Variants in RNF19B observed in about 807,000 individuals in gnomAD.
RNF19B encodes E3 ubiquitin-protein ligase RNF19B.
Under a neutral mutation model 65.5 loss-of-function variants are expected in RNF19B, and 23 were observed. That is an observed-to-expected ratio of 0.35 (90% CI 0.25 to 0.50). RNF19B has a LOEUF of 0.50. Ranked by LOEUF, RNF19B falls within the 20% of genes least tolerant of loss-of-function variation. The probability of loss-of-function intolerance (pLI) is 0.98; values close to 1 mark genes in which losing one functional copy is unlikely to be tolerated. For synonymous variants in RNF19B, 372 were observed against 379.6 expected (o/e 0.98, Z 0.23); for missense variants, 794 against 980.0 (o/e 0.81, Z 2.53).
At position 32,949,031 on chromosome 1, in the gene RNF19B, A is replaced by G. The variant is rs147899090; in HGVS notation, c.841+538T>C. On this transcript the variant is annotated intron_variant, in intron 2 of 8. Coordinates refer to ENST00000235150, the MANE Select transcript of RNF19B (RefSeq NM_001300826.2). ...CAAATGACATCAGCAAAATAAAAGTACAAAGCAATAAATCCACTGACATTT... is the reference window on the plus strand; with the variant it reads ...CAAATGACATCAGCAAAATAAAAGTGCAAAGCAATAAATCCACTGACATTT... Among the ~76,000 whole-genome samples the G allele has an allele frequency of 1.3e-3, 205 of 152,364 alleles. 2 individuals are homozygous for G. Among genetic ancestry groups the G allele is most frequent in the African/African-American group, 4.4e-3 (185 of 41,582 alleles).
At chr1:32,939,976 G>A (rs958763747) in intron 7 of RNF19B, among the ~76,000 whole-genome samples, 7 of 152,208 alleles carry the variant, frequency 4.6e-5, no homozygotes, top group African/African-American at 1.7e-4. Flanking sequence ...AGAGTCATGA[G>A]ATGCACAGAC....
chr1:32,943,960 T>G, intron 6 of RNF19B, 59 bp downstream of exon 6: 1 of 1,532,120 alleles, frequency 6.5e-7, no homozygotes, highest in Non-Finnish European at 8.9e-7. Flanking sequence ...CGCTGAATTT[T>G]ACTGATTTTT....
At chr1:32,940,881 G>T (rs1344366539) in intron 7 of RNF19B, among the ~76,000 whole-genome samples, 1 of 152,172 alleles carries the variant, frequency 6.6e-6, no homozygotes, top group Non-Finnish European at 1.5e-5. Context: ...ACATAGAATT[G>T]ATTTTCCTTA....
At chr1:32,941,872 C>T (rs922383215) in intron 7 of RNF19B, among the ~76,000 whole-genome samples, 9 of 151,406 alleles carry the variant, frequency 5.9e-5, no homozygotes, top group Admixed American at 2.0e-4. Flanking sequence ...CCAAGGCGGG[C>T]GGATCACGAG....
downstream of RNF19B, among the ~76,000 whole-genome samples, chr1:32,933,890 G>GT (rs1200410828): frequency 1.3e-5 from 2 of 152,276 alleles, no homozygotes; most frequent in South Asian, 2.1e-4. Context: ...CACAGCTGTA[G>GT]TAAGTGGAAC....
At chr1:32,948,179 G>A (rs575305374) in intron 3 of RNF19B, 43 bp downstream of exon 3, 1 of 1,597,552 alleles carries the variant, frequency 6.3e-7, no homozygotes. Flanking sequence ...AAATCAGTAA[G>A]AGAATGAGAC....
downstream of RNF19B, among the ~76,000 whole-genome samples, chr1:32,933,257 A>T (rs181016546): frequency 9.6e-3 from 1,333 of 138,152 alleles, 62 homozygotes; most frequent in Admixed American, 0.078. Context: ...TATTATTATT[A>T]TTTTTTTTTT....
downstream of RNF19B, among the ~76,000 whole-genome samples, chr1:32,934,452 G>T (rs756251436): frequency 6.6e-6 from 1 of 152,112 alleles, no homozygotes; most frequent in Non-Finnish European, 1.5e-5. Context: ...AGGCTGAGGT[G>T]GGGGGAATCA....
chr1:32,935,207 A>C (rs1038581800), downstream of RNF19B, among the ~76,000 whole-genome samples: 2 of 147,776 alleles, frequency 1.4e-5, no homozygotes, highest in African/African-American at 5.0e-5. Flanking sequence ...GGGTGATGTC[A>C]GCTCACTGCA....
In RNF19B at chr1:32,936,816, G is replaced by C. The variant is rs746417554; in HGVS notation, c.2186C>G (p.Ala729Gly). ...QTVLKPEGGE[A>G]RV ...AGCATTCATTCCACTTCATACTCTG[G>C]CTTCTCCACCTTCTGGCTTCAAGAC... Residue 729 changes from alanine to glycine, a missense_variant, in exon 9 of 9, where the codon GCC becomes GGC. Coordinates refer to ENST00000235150, the MANE Select transcript of RNF19B (RefSeq NM_001300826.2). The C allele has an allele frequency of 2.6e-6, 4 of 1,563,956 alleles. No homozygotes were observed. In the South Asian group the frequency reaches 3.6e-5, roughly 14 times the overall value.
At chr1:32,954,529 A>C (rs12141539) in intron 1 of RNF19B, among the ~76,000 whole-genome samples, 1 of 151,768 alleles carries the variant, frequency 6.6e-6, no homozygotes, top group Non-Finnish European at 1.5e-5. Context: ...ACCTGAGGTC[A>C]GGAGTTCAAG....
chr1:32,937,756 TC>T (rs1435847584), intron 8 of RNF19B, among the ~76,000 whole-genome samples: 5 of 151,954 alleles, frequency 3.3e-5, no homozygotes, highest in Admixed American at 6.6e-5. Context: ...AGTAATTAGA[TC>T]CTTTTTGCTG....
intron 1 of RNF19B, among the ~76,000 whole-genome samples, chr1:32,953,527 A>G (rs1293575861): frequency 1.3e-5 from 2 of 152,090 alleles, no homozygotes; most frequent in African/African-American, 4.8e-5. Context: ...GATGCTGAAA[A>G]TATAAATGAC....
At chr1:32,943,140 CA>C (rs56338843) in intron 6 of RNF19B, among the ~76,000 whole-genome samples, 48,361 of 129,808 alleles carry the variant, frequency 0.37, 7,796 homozygotes, top group Admixed American at 0.41. Flanking sequence ...GACTCCGTCT[CA>C]AAAAAAAAAA....
downstream of RNF19B, among the ~76,000 whole-genome samples, chr1:32,933,886 T>G (rs573829020): frequency 3.3e-5 from 5 of 152,294 alleles, no homozygotes; most frequent in South Asian, 1.0e-3. Context: ...ATCTCACAGC[T>G]GTAGTAAGTG....
At chr1:32,939,776 C>T (rs1486790290) in intron 7 of RNF19B, among the ~76,000 whole-genome samples, 1 of 152,212 alleles carries the variant, frequency 6.6e-6, no homozygotes, top group African/African-American at 2.4e-5. Flanking sequence ...TCAAACCCAT[C>T]TGACTCATTC....
intron 7 of RNF19B, among the ~76,000 whole-genome samples, chr1:32,941,273 G>A (rs751281176): frequency 2.0e-4 from 31 of 152,100 alleles, no homozygotes; most frequent in Non-Finnish European, 4.0e-4. Context: ...GGCTGGGTGT[G>A]GTGGTTCATG....
Position 32,964,545 on chromosome 1 carries a change from G to C in RNF19B, c.141C>G (p.Arg47=). The C allele has an allele frequency of 5.8e-6, 7 of 1,211,636 alleles. No individual in the cohort carries two copies. The highest frequency in any genetic ancestry group is 7.2e-6 in the Non-Finnish European group (7 of 966,676). The allele number at this position is 1,211,636 out of a possible 1,614,324, so 75.1% of individuals were successfully genotyped here. Residue 47 remains arginine, a synonymous_variant, in exon 1 of 9, where the codon CGC becomes CGG. Transcript: ENST00000235150. This position sits in a 1 kb window ranked among gnomAD's most constrained non-coding sequence, Gnocchi z 6.5. The part of the protein sequence containing the change: ...SVFSASARGR[R]ARAKPQAEPP... Reference sequence around the variant, plus strand: ...GCTCGGCCTGCGGCTTGGCCCGGGCGCGGCGGCCGCGGGCCGAGGCAGAGA... The same window carrying C: ...GCTCGGCCTGCGGCTTGGCCCGGGCCCGGCGGCCGCGGGCCGAGGCAGAGA...
intron 1 of RNF19B, among the ~76,000 whole-genome samples, chr1:32,963,669 G>A (rs1642825197): frequency 6.7e-6 from 1 of 150,088 alleles, no homozygotes; most frequent in South Asian, 2.1e-4. Flanking sequence ...AGTGAGCCGA[G>A]ATCGCGCCAT....
Sources: allele counts gnomAD v4.1 joint callset (sites outside exome capture counted in the v4.1 genomes callset), GRCh38; gene constraint gnomAD v4.1.1; non-coding constraint Gnocchi (gnomAD v3.1); transcripts MANE v1.5; gene names NCBI Gene and HGNC (gene_info 2026-07-23, HGNC 2026-07-21).